The following OR52H1 variants were observed in gnomAD, a reference collection of about 807,000 sequenced individuals.
OR52H1 encodes the protein olfactory receptor family 52 subfamily H member 1.
For synonymous variants in OR52H1, 148 were observed against 138.6 expected (o/e 1.07, Z -0.48); for missense variants, 383 against 396.4 (o/e 0.97, Z 0.29).
intron 1 of OR52H1, among the ~76,000 whole-genome samples, chr11:5,546,219 A>G (rs1174459553): frequency 1.3e-5 from 2 of 151,692 alleles, no homozygotes; most frequent in Admixed American, 1.3e-4. Flanking sequence ...CCAACACTTT[A>G]TATACTACGT....
Position 5,545,437 on chromosome 11 carries a change from C to T in OR52H1, c.69G>A (p.Glu23=). Residue 23 remains glutamate (E), a synonymous_variant, in exon 2 of 2, where the codon GAG becomes GAA. Transcript: ENST00000322653. The stretch of plus-strand genomic sequence containing the variant: ...GAATTCCAATCCACACATGGAATTG[C>T]TCCAGGCCTGGGATCCCTACCAGAA... ...PFILVGIPGL[E]QFHVWIGIPF... 1.2e-6 allele frequency: 2 copies of T among 1,614,154 alleles called. No homozygotes were observed. The highest frequency in any genetic ancestry group is 8.5e-7 in the Non-Finnish European group (1 of 1,180,020).
chr11:5,544,925 A>T lies in OR52H1; in HGVS notation c.581T>A (p.Ile194Asn), dbSNP rs369742672. Residue 194 changes from isoleucine (I) to asparagine (N), a missense_variant, in exon 2 of 2, where the codon ATC (isoleucine) becomes AAC (asparagine). By Grantham distance (149) the Ile-to-Asn change is moderately radical (BLOSUM62 -3). Transcript: ENST00000322653. ...AAAGCCATACCAGAAGTTGATGGAG[A>T]TATCAGCACAGGCGAGCTGGGCAAC... ...IGVAQLACAD[I>N]SINFWYGFCV... 4 of 1,614,058 alleles carry T rather than the reference A, an allele frequency of 2.5e-6. No individual in the cohort carries two copies. Among genetic ancestry groups the T allele is most frequent in the Non-Finnish European group, 2.5e-6 (3 of 1,180,026 alleles).
Position 5,544,847 on chromosome 11 carries a change from T to A in OR52H1, c.659A>T (p.Tyr220Phe). 1 of 1,614,044 alleles carries A rather than the reference T, an allele frequency of 6.2e-7. No homozygotes were observed. The highest frequency in any genetic ancestry group is 8.5e-7 in the Non-Finnish European group (1 of 1,179,958). Residue 220 changes from tyrosine to phenylalanine, a missense_variant, in exon 2 of 2, where the codon TAC (tyrosine) becomes TTC (phenylalanine). Physicochemically the swap from Tyr to Phe is conservative, Grantham distance 22 (BLOSUM62 3). Transcript: ENST00000322653. ...AAAGACAGCACAGAGGATGTGTGCGTAGGAAACAGCAATGAGAATCACATC... is the reference window on the plus strand; with the variant it reads ...AAAGACAGCACAGAGGATGTGTGCGAAGGAAACAGCAATGAGAATCACATC... ...ISDVILIAVS[Y>F]AHILCAVFGL...
chr11:5,547,854 C>A (rs1223311020), intron 1 of OR52H1, among the ~76,000 whole-genome samples: 1 of 152,068 alleles, frequency 6.6e-6, no homozygotes, highest in African/African-American at 2.4e-5. Flanking sequence ...ACTATGTTGG[C>A]CAGGCTGGTC....
rs1350379419 is a variant in OR52H1 at position 5,544,819 on chromosome 11, G to C, written c.687C>G (p.Gly229=). 1 of 1,614,120 alleles carries C rather than the reference G, an allele frequency of 6.2e-7. No homozygotes were observed. Among genetic ancestry groups the C allele is most frequent in the Non-Finnish European group, 8.5e-7 (1 of 1,180,000 alleles). The change falls in exon 2 of 2, where the codon GGC becomes GGG. Residue 229 remains glycine (G), a synonymous_variant. Coordinates refer to ENST00000322653, the MANE Select transcript of OR52H1 (RefSeq NM_001005289.5). ...SYAHILCAVF[G]LPSQDACQKA... ...TCTGGCAGGCATCTTGGGAGGGAAG[G>C]CCAAAGACAGCACAGAGGATGTGTG...
chr11:5,545,250 T>C lies in OR52H1; in HGVS notation c.256A>G (p.Ile86Val). The C allele has an allele frequency of 1.9e-6, 3 of 1,614,142 alleles. No homozygotes were observed. The highest frequency in any genetic ancestry group is 1.1e-5 in the South Asian group (1 of 91,082). Residue 86 changes from isoleucine to valine, a missense_variant, in exon 2 of 2, where the codon ATC (isoleucine) becomes GTC (valine). Transcript: ENST00000322653. ...ATTTCGCGAGCCCCTAGCCAAAAGATACTGAGTGCTTTAGGCACACCAGCT... is the reference window on the plus strand; with the variant it reads ...ATTTCGCGAGCCCCTAGCCAAAAGACACTGAGTGCTTTAGGCACACCAGCT... Reference protein sequence around the residue: ...STAGVPKALSIFWLGAREITF... With the variant: ...STAGVPKALSVFWLGAREITF...
intron 1 of OR52H1, among the ~76,000 whole-genome samples, chr11:5,546,901 C>A (rs946920538): frequency 9.2e-5 from 14 of 152,104 alleles, no homozygotes; most frequent in African/African-American, 3.4e-4. Flanking sequence ...AAGGAAAATC[C>A]ATTTCCAGAT....
intron 1 of OR52H1, among the ~76,000 whole-genome samples, chr11:5,547,983 G>C (rs1360950351): frequency 6.6e-6 from 1 of 152,160 alleles, no homozygotes; most frequent in East Asian, 1.9e-4. Context: ...AACATAGTAA[G>C]CATGTAACAA....
chr11:5,544,895 A>G lies in OR52H1; in HGVS notation c.611T>C (p.Val204Ala), dbSNP rs1846827659. The change falls in exon 2 of 2, where the codon GTT becomes GCT. Residue 204 changes from valine (V) to alanine (A), a missense_variant. Physicochemically the swap from Val to Ala is moderately conservative, Grantham distance 64 (BLOSUM62 0). Coordinates refer to ENST00000322653, the MANE Select transcript of OR52H1 (RefSeq NM_001005289.5). ...ATCTGAGATGACCGTCATGATGGGA[A>G]CACAAAAGCCATACCAGAAGTTGAT... ...ISINFWYGFC[V>A]PIMTVISDVI... is the part of the protein sequence containing the mutation. The G allele has an allele frequency of 6.2e-7, 1 of 1,613,998 alleles. No individual in the cohort carries two copies. Among genetic ancestry groups the G allele is most frequent in the Non-Finnish European group, 8.5e-7 (1 of 1,179,886 alleles).
rs10769054 is a variant in OR52H1, at chr11:5,545,259, C to T, written c.247G>A (p.Ala83Thr). Residue 83 changes from alanine (A) to threonine (T), a missense_variant, in exon 2 of 2, where the codon GCA (alanine) becomes ACA (threonine). Coordinates refer to ENST00000322653, the MANE Select transcript of OR52H1 (RefSeq NM_001005289.5). ...LILSTAGVPK[A>T]LSIFWLGARE... ...GCCCCTAGCCAAAAGATACTGAGTG[C>T]TTTAGGCACACCAGCTGTGGACAAG... The T allele has an allele frequency of 0.57, 921,181 of 1,613,810 alleles. 272,697 individuals carry two copies. The highest frequency in any genetic ancestry group is 0.61 in the Non-Finnish European group (724,897 of 1,179,898).
At chr11:5,548,403 T>TA (rs1846882084) in intron 1 of OR52H1, 49 bp downstream of exon 1, 1 of 152,182 alleles carries the variant, frequency 6.6e-6, no homozygotes, top group South Asian at 2.1e-4. Context: ...TTCACTCACT[T>TA]TCTCTAAGTC....
At position 5,544,713 on chromosome 11, in the gene OR52H1, G is replaced by A. The variant is rs776491274; in HGVS notation, c.793C>T (p.Arg265Cys). ...TPAFFSILAH[R>C]FGHNVSRTFH... Reference sequence around the variant, plus strand: ...GTGCGAGAGACATTGTGTCCAAAGCGATGGGCGAGGATGGAGAAAAAGGCA... The same window carrying A: ...GTGCGAGAGACATTGTGTCCAAAGCAATGGGCGAGGATGGAGAAAAAGGCA... The change falls in exon 2 of 2, where the codon CGC becomes TGC. Residue 265 changes from arginine (R) to cysteine (C), a missense_variant. Arg to Cys is a radical substitution (Grantham distance 180). Coordinates refer to ENST00000322653, the MANE Select transcript of OR52H1 (RefSeq NM_001005289.5). The A allele has an allele frequency of 2.9e-5, 47 of 1,614,022 alleles. No homozygotes were observed. The highest frequency in any genetic ancestry group is 2.0e-4 in the African/African-American group (15 of 74,902).
Position 5,544,920 on chromosome 11 carries a change from T to A in OR52H1, c.586A>T (p.Ile196Phe). ...ACACAAAAGCCATACCAGAAGTTGA[T>A]GGAGATATCAGCACAGGCGAGCTGG... ...VAQLACADIS[I>F]NFWYGFCVPI... The change falls in exon 2 of 2, where the codon ATC (isoleucine) becomes TTC (phenylalanine). Residue 196 changes from isoleucine (I) to phenylalanine (F), a missense_variant. By Grantham distance (21) the Ile-to-Phe change is conservative. Coordinates refer to ENST00000322653, the MANE Select transcript of OR52H1 (RefSeq NM_001005289.5). The A allele has an allele frequency of 1.2e-6, 2 of 1,614,174 alleles. No individual in the cohort carries two copies. Among genetic ancestry groups the A allele is most frequent in the Non-Finnish European group, 1.7e-6 (2 of 1,180,028 alleles).
intron 1 of OR52H1, among the ~76,000 whole-genome samples, chr11:5,547,651 G>T (rs955877828): frequency 7.8e-6 from 1 of 128,934 alleles, no homozygotes; most frequent in Admixed American, 7.5e-5. Context: ...ATTGAAAAAA[G>T]AATTTTTTTT....
chr11:5,545,531 AG>A lies in OR52H1; in HGVS notation c.-27del. 1 of 1,609,256 alleles carries A rather than the reference AG, an allele frequency of 6.2e-7. No individual in the cohort carries two copies. Among genetic ancestry groups the A allele is most frequent in the Non-Finnish European group, 8.5e-7 (1 of 1,176,638 alleles). On this transcript the variant is annotated 5_prime_UTR_variant, in exon 2 of 2. Coordinates refer to ENST00000322653, the MANE Select transcript of OR52H1 (RefSeq NM_001005289.5). ...GGCAGAGGCAGATGGCATAAATCTC[AG>A]CCCCTAAAGACAGAGGGTGATTAAG...
chr11:5,546,185 A>G (rs940415909), intron 1 of OR52H1, among the ~76,000 whole-genome samples: 1 of 151,814 alleles, frequency 6.6e-6, no homozygotes, highest in Non-Finnish European at 1.5e-5. Flanking sequence ...TCTCCTCAAA[A>G]AAAAAAAAAA....
At position 5,545,320 on chromosome 11, in the gene OR52H1, G is replaced by T. The variant is rs542391604; in HGVS notation, c.186C>A (p.Phe62Leu). 2 of 1,614,198 alleles carry T rather than the reference G, an allele frequency of 1.2e-6. No homozygotes were observed. The highest frequency in any genetic ancestry group is 4.5e-5 in the East Asian group (2 of 44,884). The change falls in exon 2 of 2, where the codon TTC becomes TTA. Residue 62 changes from phenylalanine (F) to leucine (L), a missense_variant. Phe to Leu is a conservative substitution (Grantham distance 22). Coordinates refer to ENST00000322653, the MANE Select transcript of OR52H1 (RefSeq NM_001005289.5). ...TCATGGCCAGCATGGAGAGAAAGAA[G>T]AACATGGGTTCATGAAGACTATGCT... Reference protein sequence around the residue: ...VVEHSLHEPMFFFLSMLAMTD... With the variant: ...VVEHSLHEPMLFFLSMLAMTD...
At chr11:5,546,047 C>T (rs1846851494) in intron 1 of OR52H1, among the ~76,000 whole-genome samples, 1 of 152,116 alleles carries the variant, frequency 6.6e-6, no homozygotes, top group Non-Finnish European at 1.5e-5. Flanking sequence ...ATCAGCACCC[C>T]TTTATTGCCA....
chr11:5,545,883 C>T (rs1465523734), intron 1 of OR52H1, among the ~76,000 whole-genome samples: 2 of 152,144 alleles, frequency 1.3e-5, no homozygotes, highest in African/African-American at 4.8e-5. Flanking sequence ...ACAGAATACA[C>T]TTTTTCATGG....
Sources: allele counts gnomAD v4.1 joint callset (sites outside exome capture counted in the v4.1 genomes callset), GRCh38; gene constraint gnomAD v4.1.1; transcripts MANE v1.5; gene names NCBI Gene and HGNC (gene_info 2026-07-23, HGNC 2026-07-21).